The following CAMKMT variants were observed in gnomAD, a reference collection of about 807,000 sequenced individuals.
CAMKMT encodes the protein CaM KMT.
In CAMKMT, 53 loss-of-function variants were observed where a neutral mutation model predicts 48.0. That is an observed-to-expected ratio of 1.10 (90% CI 0.89 to 1.39). The LOEUF (loss-of-function observed/expected upper bound fraction) is 1.39, where lower values mean the gene tolerates loss of function less well. Among genes scored for constraint, CAMKMT ranks in the 40% most tolerant of loss-of-function variants. The probability of loss-of-function intolerance (pLI) is 0.00; values close to 1 mark genes in which losing one functional copy is unlikely to be tolerated. For missense variants in CAMKMT, 428 were observed against 402.7 expected, an observed-to-expected ratio of 1.06 and a Z score of -0.54; for synonymous variants, 165 against 152.3, an observed-to-expected ratio of 1.08 and a Z score of -0.61.
At chr2:44,707,178 A>G (rs1677609456) in intron 5 of CAMKMT, among the ~76,000 whole-genome samples, 1 of 152,088 alleles carries the variant, frequency 6.6e-6, no homozygotes, top group African/African-American at 2.4e-5. Context: ...ACCGAACAGA[A>G]TGATAGCAAG....
At chr2:44,661,750 A>G (rs1674691748) in intron 3 of CAMKMT, among the ~76,000 whole-genome samples, 1 of 152,188 alleles carries the variant, frequency 6.6e-6, no homozygotes, top group Admixed American at 6.5e-5. Flanking sequence ...CAACAGTGGC[A>G]TTAGAGTTAG....
chr2:44,440,781 C>T (rs1031573039), intron 3 of CAMKMT, among the ~76,000 whole-genome samples: 1 of 152,124 alleles, frequency 6.6e-6, no homozygotes, highest in African/African-American at 2.4e-5. Context: ...TCTTAGAATT[C>T]TGTGCTATTG....
intron 3 of CAMKMT, among the ~76,000 whole-genome samples, chr2:44,607,002 A>G (rs1253789289): frequency 1.3e-5 from 2 of 152,206 alleles, no homozygotes; most frequent in Non-Finnish European, 2.9e-5. Context: ...GCTCATAATC[A>G]ACATTGTGAT....
chr2:44,410,625 C>G (rs77150081), intron 3 of CAMKMT, among the ~76,000 whole-genome samples: 8,478 of 152,090 alleles, frequency 0.056, 296 homozygotes, highest in South Asian at 0.13. Context: ...GTCATTTCAC[C>G]TAAAGGGAAC....
intron 3 of CAMKMT, among the ~76,000 whole-genome samples, chr2:44,612,263 C>G (rs1347637119): frequency 6.6e-6 from 1 of 152,072 alleles, no homozygotes; most frequent in Non-Finnish European, 1.5e-5. Context: ...AATAGAATAA[C>G]CAGCATATAT....
At position 44,400,036 on chromosome 2, in the gene CAMKMT, A is replaced by G. The variant is rs567183049; in HGVS notation, c.376+9731A>G. On this transcript the variant is annotated intron_variant, in intron 3 of 10. Transcript: ENST00000378494. ...TCTTTATCCCAGCATAGTACCTTTCACAAAGCCTGACCCAAGTGGTATTCA... is the reference window on the plus strand; with the variant it reads ...TCTTTATCCCAGCATAGTACCTTTCGCAAAGCCTGACCCAAGTGGTATTCA... 2.6e-5 allele frequency among the ~76,000 whole-genome samples: 4 copies of G among 152,328 alleles called. No individual in the cohort carries two copies. The South Asian group carries it at 8.3e-4, about 32-fold the overall frequency.
intron 3 of CAMKMT, chr2:44,631,392 TATAATA>T (rs202094451): frequency 4.3e-6 from 2 of 460,776 alleles, no homozygotes; most frequent in Non-Finnish European, 7.5e-6. Flanking sequence ...AAACTTAAAG[TATAATA>T]ATAATAATAG....
At chr2:44,715,408 T>C in intron 7 of CAMKMT, 55 bp downstream of exon 7, 1 of 1,233,428 alleles carries the variant, frequency 8.1e-7, no homozygotes, top group Non-Finnish European at 1.2e-6. Context: ...TTCTTGATAC[T>C]ATGGATGGTT....
rs1441953394 is a variant in CAMKMT at position 44,449,068 on chromosome 2, A to G, written c.376+58763A>G. On this transcript the variant is annotated intron_variant, in intron 3 of 10. Transcript: ENST00000378494. ...TGCGACAATGTTTGCACACCTGTGT[A>G]AATACACAAAAAACTATTAAGTTGT... Among the ~76,000 whole-genome samples the G allele has an allele frequency of 2.0e-5, 3 of 152,170 alleles. No homozygotes were observed. The East Asian group carries it at 5.8e-4, about 29-fold the overall frequency.
chr2:44,514,918 A>C (rs1572691991), intron 3 of CAMKMT, among the ~76,000 whole-genome samples: 1 of 152,184 alleles, frequency 6.6e-6, no homozygotes, highest in Non-Finnish European at 1.5e-5. Context: ...GCTATGACTT[A>C]TGGGATGGGA....
At chr2:44,377,399 T>C (rs1051800537) in intron 2 of CAMKMT, among the ~76,000 whole-genome samples, 10 of 152,232 alleles carry the variant, frequency 6.6e-5, no homozygotes, top group African/African-American at 2.4e-4. Flanking sequence ...GAGATGTTTA[T>C]ACCAAAATTC....
chr2:44,622,771 AC>A (rs1269788717), intron 3 of CAMKMT, among the ~76,000 whole-genome samples: 13 of 152,340 alleles, frequency 8.5e-5, no homozygotes, highest in African/African-American at 3.1e-4. Flanking sequence ...TGTCTTTGCC[AC>A]TGTGAATAGT....
At chr2:44,703,989 T>C (rs1677404346) in intron 3 of CAMKMT, among the ~76,000 whole-genome samples, 1 of 152,126 alleles carries the variant, frequency 6.6e-6, no homozygotes, top group African/African-American at 2.4e-5. Flanking sequence ...TGAAGTACCA[T>C]CAAAATTTAA....
At chr2:44,617,764 T>G (rs1671970783) in intron 3 of CAMKMT, among the ~76,000 whole-genome samples, 1 of 152,206 alleles carries the variant, frequency 6.6e-6, no homozygotes, top group African/African-American at 2.4e-5. Context: ...ATAGTGCATT[T>G]TCTCTGAGTG....
chr2:44,542,451 C>G (rs4952714), intron 3 of CAMKMT, among the ~76,000 whole-genome samples: 38 of 151,742 alleles, frequency 2.5e-4, no homozygotes, highest in African/African-American at 8.5e-4. Flanking sequence ...AAGACCTCCA[C>G]TCAAGTTGCT....
intron 3 of CAMKMT, among the ~76,000 whole-genome samples, chr2:44,425,267 A>G (rs1429776155): frequency 6.6e-6 from 1 of 152,200 alleles, no homozygotes; most frequent in Non-Finnish European, 1.5e-5. Flanking sequence ...CCAAAAGACA[A>G]CAATATTTCA....
chr2:44,488,866 TG>T (rs1669341816), intron 3 of CAMKMT, among the ~76,000 whole-genome samples: 2 of 148,106 alleles, frequency 1.4e-5, no homozygotes, highest in Non-Finnish European at 3.0e-5. Flanking sequence ...TGTGTGTGTG[TG>T]TGTGTGTGTG....
intron 3 of CAMKMT, among the ~76,000 whole-genome samples, chr2:44,533,300 G>A (rs1666589962): frequency 1.3e-5 from 2 of 151,148 alleles, no homozygotes; most frequent in South Asian, 2.1e-4. Flanking sequence ...GTGCAATGGT[G>A]TGATCTTGGC....
intron 3 of CAMKMT, among the ~76,000 whole-genome samples, chr2:44,397,015 C>T (rs920350482): frequency 3.4e-5 from 5 of 148,362 alleles, no homozygotes; most frequent in South Asian, 2.1e-4. Context: ...GCCGAGATTG[C>T]ACCACTGCCC....
Sources: gnomAD v4.1 joint callset for allele counts (sites outside exome capture counted in the v4.1 genomes callset) on GRCh38, gnomAD v4.1.1 for gene constraint, MANE v1.5 for transcripts, NCBI Gene and HGNC (gene_info 2026-07-23, HGNC 2026-07-21) for gene names.